The following TBC1D30 variants were observed in gnomAD, a reference collection of about 807,000 sequenced individuals.
TBC1D30 encodes the protein TBC1 domain family member 30.
TBC1D30 carries 31 observed loss-of-function variants against 63.2 expected under a neutral mutation model. The observed-to-expected ratio is 0.49, with a 90% confidence interval of 0.37 to 0.66. TBC1D30 has a LOEUF of 0.66. Ranked by LOEUF, TBC1D30 falls within the 30% of genes least tolerant of loss-of-function variation. TBC1D30 has a pLI of 0.00. For missense variants in TBC1D30, 810 were observed against 953.6 expected, an observed-to-expected ratio of 0.85 and a Z score of 1.98; for synonymous variants, 307 against 361.5, an observed-to-expected ratio of 0.85 and a Z score of 1.71.
At chr12:64,765,975 G>A (rs1279348540) in intron 1 of TBC1D30, among the ~76,000 whole-genome samples, 1 of 152,120 alleles carries the variant, frequency 6.6e-6, no homozygotes, top group East Asian at 1.9e-4. Context: ...TTGTGCCACT[G>A]CATTCCAGCC....
chr12:64,780,637 G>A (rs1174927190), exon 1 of TBC1D30, among the ~76,000 whole-genome samples: 2 of 152,188 alleles, frequency 1.3e-5, no homozygotes, highest in Non-Finnish European at 2.9e-5. Context: ...GGAGGGGAGC[G>A]GCTCAGGTGC....
At chr12:64,765,754 G>T (rs1313125651) in intron 1 of TBC1D30, among the ~76,000 whole-genome samples, 3 of 151,482 alleles carry the variant, frequency 2.0e-5, no homozygotes, top group African/African-American at 7.3e-5. Context: ...CCAGCACTTT[G>T]GGAGGCCTAG....
At chr12:64,839,063 C>G (rs1219543214) in intron 7 of TBC1D30, among the ~76,000 whole-genome samples, 1 of 152,172 alleles carries the variant, frequency 6.6e-6, no homozygotes, top group East Asian at 1.9e-4. Context: ...GTAGATTCTC[C>G]CACTCCTCCT....
At chr12:64,763,860 C>T (rs888144934) in intron 1 of TBC1D30, among the ~76,000 whole-genome samples, 1 of 152,120 alleles carries the variant, frequency 6.6e-6, no homozygotes, top group Non-Finnish European at 1.5e-5. Flanking sequence ...GAACTCCTGA[C>T]CTCAGGTGAT....
chr12:64,777,950 T>C (rs377027953), upstream of TBC1D30, among the ~76,000 whole-genome samples: 6 of 152,136 alleles, frequency 3.9e-5, no homozygotes, highest in East Asian at 9.6e-4. Flanking sequence ...TTAGTAGAGA[T>C]GGGGTTTCGC....
upstream of TBC1D30, among the ~76,000 whole-genome samples, chr12:64,823,481 A>AGTCAGGG (rs1173896158): frequency 7.9e-5 from 12 of 152,176 alleles, no homozygotes; most frequent in Non-Finnish European, 1.5e-4. Context: ...ATTCATTTAT[A>AGTCAGGG]GTCAGGGACT....
chr12:64,828,396 T>G, intron 2 of TBC1D30, 48 bp from the exon 3 acceptor site: 1 of 1,361,876 alleles, frequency 7.3e-7, no homozygotes, highest in Non-Finnish European at 1.0e-6. Context: ...GCAAAGTGCT[T>G]ATCTAGGTCA....
intron 2 of TBC1D30, chr12:64,787,457 CT>C: frequency 2.6e-6 from 2 of 758,616 alleles, no homozygotes; most frequent in Non-Finnish European, 1.6e-6. Flanking sequence ...TGGAAGTTGC[CT>C]TTTGTTGCTC....
At chr12:64,780,853 G>A (rs1565638133) in exon 1 of TBC1D30, 2 of 1,002,138 alleles carry the variant, frequency 2.0e-6, no homozygotes, top group African/African-American at 1.7e-5. Context: ...GGCTCCGGAC[G>A]GAGCTGGAAT....
chr12:64,832,414 C>T, intron 5 of TBC1D30, 110 bp downstream of exon 5: 1 of 1,094,476 alleles, frequency 9.1e-7, no homozygotes, highest in Non-Finnish European at 1.3e-6. Context: ...GTTTGCCACA[C>T]CTTTGTAATG....
chr12:64,866,631 G>T, intron 9 of TBC1D30, 133 bp from the exon 10 acceptor site: 1 of 867,332 alleles, frequency 1.2e-6, no homozygotes, highest in Non-Finnish European at 1.7e-6. Flanking sequence ...GCAGAGATGG[G>T]GTTTCACAAT....
intron 5 of TBC1D30, among the ~76,000 whole-genome samples, chr12:64,832,724 G>T (rs904504804): frequency 6.6e-6 from 1 of 152,158 alleles, no homozygotes; most frequent in African/African-American, 2.4e-5. Flanking sequence ...AGGCTCAATT[G>T]GGGGTGGGCA....
chr12:64,816,270 TG>T (rs1397302859), intron 2 of TBC1D30, among the ~76,000 whole-genome samples: 1 of 152,142 alleles, frequency 6.6e-6, no homozygotes, highest in African/African-American at 2.4e-5. Context: ...TGACCTCAGG[TG>T]ATCTGCCTGC....
chr12:64,836,734 G>A (rs752626417), intron 6 of TBC1D30, 76 bp downstream of exon 6: 32 of 1,298,996 alleles, frequency 2.5e-5, no homozygotes, highest in Non-Finnish European at 3.2e-5. Context: ...CCTAAACATT[G>A]AATGGAAATA....
At chr12:64,853,643 G>A (rs1407491400) in intron 8 of TBC1D30, among the ~76,000 whole-genome samples, 1 of 152,192 alleles carries the variant, frequency 6.6e-6, no homozygotes. Context: ...GGAATCTCCT[G>A]GTCTGTGGGT....
At position 64,866,841 on chromosome 12, in the gene TBC1D30, G is replaced by A. The variant is rs1878261253; in HGVS notation, c.1229G>A (p.Cys410Tyr). 6.5e-7 allele frequency: 1 copy of A among 1,536,298 alleles called. No homozygotes were observed. The highest frequency in any genetic ancestry group is 8.7e-7 in the Non-Finnish European group (1 of 1,146,982). Residue 410 changes from cysteine (C) to tyrosine (Y), a missense_variant, in exon 10 of 12, where the codon TGT becomes TAT. Cys to Tyr is a radical substitution (Grantham distance 194). Around this residue, in one of 4 missense-constraint regions of TBC1D30, gnomAD observed 450 missense variants for 473.0 expected, o/e 0.95. Transcript: ENST00000539867. ...DEDAVVNAVG[C>Y]LGPFSGFLAP... ...GATGCTGTCGTTAATGCAGTGGGGT[G>A]TCTTGGACCTTTTAGTGGGTTCCTG...
chr12:64,871,974 T>C (rs879392087), intron 11 of TBC1D30, among the ~76,000 whole-genome samples: 1 of 152,228 alleles, frequency 6.6e-6, no homozygotes, highest in Non-Finnish European at 1.5e-5. Flanking sequence ...ATCAGCAAAC[T>C]GTGGTCTGTA....
chr12:64,869,962 T>G (rs1263895848), intron 10 of TBC1D30, among the ~76,000 whole-genome samples: 1 of 152,180 alleles, frequency 6.6e-6, no homozygotes, highest in Non-Finnish European at 1.5e-5. Flanking sequence ...CACCTAGTAT[T>G]GTTTCTCTTT....
At chr12:64,860,130 A>C (rs1008342442) in intron 8 of TBC1D30, among the ~76,000 whole-genome samples, 1 of 149,302 alleles carries the variant, frequency 6.7e-6, no homozygotes, top group Non-Finnish European at 1.5e-5. Context: ...CGATTCTCCC[A>C]CCTCAGCCCC....
Sources: allele counts gnomAD v4.1 joint callset (sites outside exome capture counted in the v4.1 genomes callset), GRCh38; gene constraint gnomAD v4.1.1; regional missense constraint gnomAD v4.1.1; transcripts MANE v1.5; gene names NCBI Gene and HGNC (gene_info 2026-07-23, HGNC 2026-07-21).